Variants in SPTLC2 observed in about 807,000 individuals in gnomAD.
SPTLC2 encodes the protein serine palmitoyltransferase long chain base subunit 2, also known as serine palmitoyltransferase 2.
SPTLC2 carries 21 observed loss-of-function variants against 62.0 expected under a neutral mutation model. That is an observed-to-expected ratio of 0.34 (90% CI 0.24 to 0.49). The LOEUF (loss-of-function observed/expected upper bound fraction) is 0.49, where lower values mean the gene tolerates loss of function less well. Ranked by LOEUF, SPTLC2 falls within the 20% of genes least tolerant of loss-of-function variation. The probability of loss-of-function intolerance (pLI) is 0.99; values close to 1 mark genes in which losing one functional copy is unlikely to be tolerated. For missense variants in SPTLC2, 511 were observed against 713.0 expected (o/e 0.72, Z 3.23); for synonymous variants, 261 against 261.8 (o/e 1.00, Z 0.03).
chr14:77,512,442 A>T (rs2079337318), intron 11 of SPTLC2, 39 bp from the exon 12 acceptor site: 3 of 1,614,090 alleles, frequency 1.9e-6, no homozygotes, highest in Non-Finnish European at 2.5e-6. Context: ...TGTCAGAGCC[A>T]GTAGGATGCA....
chr14:77,606,619 T>C (rs2140063536), intron 1 of SPTLC2, among the ~76,000 whole-genome samples: 1 of 152,290 alleles, frequency 6.6e-6, no homozygotes, highest in Admixed American at 6.5e-5. Context: ...ACCGAGAAAC[T>C]CAAAATCAAC....
intron 11 of SPTLC2, among the ~76,000 whole-genome samples, chr14:77,514,843 T>C (rs141133749): frequency 6.4e-4 from 98 of 152,334 alleles, no homozygotes; most frequent in African/African-American, 2.2e-3. Context: ...CCAATCTATT[T>C]TCTGACCCTA....
At chr14:77,564,614 G>A (rs1216478647) in intron 5 of SPTLC2, among the ~76,000 whole-genome samples, 1 of 151,960 alleles carries the variant, frequency 6.6e-6, no homozygotes, top group Non-Finnish European at 1.5e-5. Flanking sequence ...ACTTCTTGGA[G>A]AACTGGTTAA....
intron 1 of SPTLC2, among the ~76,000 whole-genome samples, chr14:77,598,250 G>A (rs756599413): frequency 1.3e-5 from 2 of 152,028 alleles, no homozygotes; most frequent in Non-Finnish European, 2.9e-5. Context: ...GTAAAAGAAG[G>A]GGAGCAAGAA....
intron 1 of SPTLC2, among the ~76,000 whole-genome samples, chr14:77,608,640 T>C (rs2140065084): frequency 1.3e-5 from 2 of 152,208 alleles, no homozygotes; most frequent in Non-Finnish European, 2.9e-5. Context: ...ACAATCAGAA[T>C]AAAATCGTGG....
At chr14:77,531,391 G>C (rs1217343532) in intron 9 of SPTLC2, among the ~76,000 whole-genome samples, 1 of 150,108 alleles carries the variant, frequency 6.7e-6, no homozygotes, top group African/African-American at 2.5e-5. Flanking sequence ...CATAAGCCCT[G>C]AAAGTTATTT....
At chr14:77,571,317 C>T (rs1043562033) in intron 4 of SPTLC2, among the ~76,000 whole-genome samples, 2 of 152,050 alleles carry the variant, frequency 1.3e-5, no homozygotes, top group African/African-American at 4.8e-5. Flanking sequence ...TTGAGACCAG[C>T]CTGGCAACAT....
At chr14:77,571,947 C>T (rs1035635332) in intron 4 of SPTLC2, among the ~76,000 whole-genome samples, 7 of 139,942 alleles carry the variant, frequency 5.0e-5, no homozygotes, top group African/African-American at 1.4e-4. Context: ...CGGACCACCA[C>T]GCCTGACTAT....
intron 9 of SPTLC2, among the ~76,000 whole-genome samples, chr14:77,549,125 T>A (rs750348776): frequency 6.6e-6 from 1 of 151,620 alleles, no homozygotes; most frequent in African/African-American, 2.4e-5. Context: ...TCCTCGTGAA[T>A]GGCTTGCTGC....
chr14:77,547,306 A>G (rs1028626892), intron 9 of SPTLC2, among the ~76,000 whole-genome samples: 1 of 152,216 alleles, frequency 6.6e-6, no homozygotes, highest in Non-Finnish European at 1.5e-5. Flanking sequence ...TGCTTACCAG[A>G]AAACTTAATT....
intron 2 of SPTLC2, among the ~76,000 whole-genome samples, chr14:77,586,672 A>G (rs2079783391): frequency 6.6e-6 from 1 of 152,238 alleles, no homozygotes. Flanking sequence ...GACGCAAAAT[A>G]CTTGTAGGAT....
chr14:77,594,144 T>C (rs1415469408), intron 2 of SPTLC2, among the ~76,000 whole-genome samples: 1 of 152,216 alleles, frequency 6.6e-6, no homozygotes, highest in East Asian at 1.9e-4. Context: ...GCTACTCAGA[T>C]ACTTTTTTTG....
intron 9 of SPTLC2, among the ~76,000 whole-genome samples, chr14:77,543,440 C>A (rs1191006364): frequency 6.6e-6 from 1 of 152,124 alleles, no homozygotes; most frequent in East Asian, 1.9e-4. Context: ...AGACAGCTAG[C>A]AAATAAAGGT....
intron 2 of SPTLC2, among the ~76,000 whole-genome samples, chr14:77,591,864 C>T (rs1477155269): frequency 6.6e-6 from 1 of 152,082 alleles, no homozygotes; most frequent in Non-Finnish European, 1.5e-5. Context: ...GCAGGGATTA[C>T]AGGCATGTGC....
In SPTLC2 at chr14:77,587,595, G is replaced by A. The variant is rs142352383; in HGVS notation, c.328-8486C>T. Among the ~76,000 whole-genome samples, 723 of 151,844 alleles carry A rather than the reference G, an allele frequency of 4.8e-3. 3 individuals carry two copies. Among genetic ancestry groups the A allele is most frequent in the Non-Finnish European group, 8.5e-3 (580 of 67,942 alleles). ...CAGCCTGGCCAACATGGCGAAACCCGTCTCTACTATAAATACAAAAAATTA... is the reference window on the plus strand; with the variant it reads ...CAGCCTGGCCAACATGGCGAAACCCATCTCTACTATAAATACAAAAAATTA... On this transcript the variant is annotated intron_variant, in intron 2 of 11. Transcript: ENST00000216484.
intron 11 of SPTLC2, among the ~76,000 whole-genome samples, chr14:77,512,889 T>C (rs1471604801): frequency 6.6e-6 from 1 of 152,094 alleles, no homozygotes; most frequent in Non-Finnish European, 1.5e-5. Context: ...CTAATTTTTG[T>C]ATTTTTAGTA....
chr14:77,532,749 A>G (rs1309800249), intron 9 of SPTLC2, among the ~76,000 whole-genome samples: 1 of 152,040 alleles, frequency 6.6e-6, no homozygotes, highest in East Asian at 1.9e-4. Flanking sequence ...GTGCCACTGC[A>G]CTCCAGCCTG....
chr14:77,612,586 A>T (rs1411169574), intron 1 of SPTLC2, among the ~76,000 whole-genome samples: 1 of 152,240 alleles, frequency 6.6e-6, no homozygotes, highest in Non-Finnish European at 1.5e-5. Flanking sequence ...CTAAATAGAT[A>T]TATGACTATT....
chr14:77,591,492 T>G (rs2142187), intron 2 of SPTLC2, among the ~76,000 whole-genome samples: 104,130 of 152,106 alleles, frequency 0.68, 36,082 homozygotes, highest in East Asian at 0.95. Flanking sequence ...TGTCAATTAT[T>G]TAAAAAGACT....
Sources: gnomAD v4.1 joint callset for allele counts (sites outside exome capture counted in the v4.1 genomes callset) on GRCh38, gnomAD v4.1.1 for gene constraint, MANE v1.5 for transcripts, NCBI Gene and HGNC (gene_info 2026-07-23, HGNC 2026-07-21) for gene names.